The following SOWAHB variants were observed in gnomAD, a reference collection of about 807,000 sequenced individuals.
SOWAHB encodes sosondowah ankyrin repeat domain family member B, also known as ankyrin repeat domain-containing protein SOWAHB.
SOWAHB carries 17 observed loss-of-function variants against 18.3 expected under a neutral mutation model. The ratio of observed to expected loss-of-function variants is 0.93; its 90% confidence interval spans 0.64 to 1.40. The LOEUF is 1.40. Among genes scored for constraint, SOWAHB ranks in the 40% most tolerant of loss-of-function variants. The probability of loss-of-function intolerance (pLI) is 0.00; values close to 1 mark genes in which losing one functional copy is unlikely to be tolerated. For missense variants in SOWAHB, 1,126 were observed against 1,033.7 expected, an observed-to-expected ratio of 1.09 and a Z score of -1.22; for synonymous variants, 496 against 448.1, an observed-to-expected ratio of 1.11 and a Z score of -1.35.
Position 76,895,649 on chromosome 4 carries a change from A to T in SOWAHB, c.2201T>A (p.Val734Asp), listed in dbSNP as rs192348835. 3.5e-5 allele frequency: 56 copies of T among 1,614,204 alleles called. 1 individual carries two copies. The African/African-American group carries it at 5.7e-4, about 17-fold the overall frequency. ...GAPRGKPIFP[V>D]YPLVGSSSPT... ...GGAAGAACTTCCAACTAAGGGATAG[A>T]CAGGGAAAATGGGCTTGCCCCGAGG... The change falls in exon 1 of 1, where the codon GTC becomes GAC. Residue 734 changes from valine (V) to aspartate (D), a missense_variant. Coordinates refer to ENST00000334306, the MANE Select transcript of SOWAHB (RefSeq NM_001029870.3).
In SOWAHB at chr4:76,897,949, G is replaced by T; in HGVS notation, c.-100C>A. ...GGCCGGGCGAGTGTCACCTGCGCCCGGGGCGGCACTAGCCGCCCCCATCAG... is the reference window on the plus strand; with the variant it reads ...GGCCGGGCGAGTGTCACCTGCGCCCTGGGCGGCACTAGCCGCCCCCATCAG... On this transcript the variant is annotated 5_prime_UTR_variant, in exon 1 of 1. Coordinates refer to ENST00000334306, the MANE Select transcript of SOWAHB (RefSeq NM_001029870.3). The surrounding 1 kb of genome is among the most constrained non-coding windows in gnomAD (Gnocchi z 6.4). The T allele has an allele frequency of 7.8e-7, 1 of 1,288,590 alleles. No individual in the cohort carries two copies. Among genetic ancestry groups the T allele is most frequent in the Non-Finnish European group, 1.0e-6 (1 of 958,674 alleles). The allele number at this position is 1,288,590 out of a possible 1,614,324, so 79.8% of individuals were successfully genotyped here.
chr4:76,897,412 A>G lies in SOWAHB; in HGVS notation c.438T>C (p.Asn146=). 6.6e-7 allele frequency: 1 copy of G among 1,519,876 alleles called. No homozygotes were observed. The highest frequency in any genetic ancestry group is 8.8e-7 in the Non-Finnish European group (1 of 1,140,938). 94.1% of individuals were successfully genotyped at this position (1,519,876 alleles called of 1,614,324 possible). ...AAARAADAAC[N]GLPGSDSRRA... is the part of the protein sequence containing the mutation. ...TACGGGAGTCGCTGCCCGGGAGTCCATTGCAAGCTGCGTCGGCGGCTCTGG... is the reference window on the plus strand; with the variant it reads ...TACGGGAGTCGCTGCCCGGGAGTCCGTTGCAAGCTGCGTCGGCGGCTCTGG... The change falls in exon 1 of 1, where the codon AAT becomes AAC. Residue 146 remains asparagine, a synonymous_variant. Coordinates refer to ENST00000334306, the MANE Select transcript of SOWAHB (RefSeq NM_001029870.3). The surrounding 1 kb of genome is among the most constrained non-coding windows in gnomAD (Gnocchi z 6.4).
chr4:76,896,146 C>T lies in SOWAHB; in HGVS notation c.1704G>A (p.Trp568Ter). 6.4e-7 allele frequency: 1 copy of T among 1,561,766 alleles called. No homozygotes were observed. Among genetic ancestry groups the T allele is most frequent in the Non-Finnish European group, 8.7e-7 (1 of 1,154,878 alleles). The part of the protein sequence containing the change: ...VAERGWRHSL[W>*]VPSGEGSAAL... ...CTGCAGACCCCTCCCCACTGGGGAC[C>T]CACAGGCTGTGTCGCCAACCCCGCT... The change falls in exon 1 of 1, where the codon TGG (tryptophan) becomes TGA (stop). Residue 568 changes from tryptophan (W) to a stop codon, truncating the protein, a stop_gained. Transcript: ENST00000334306. LOFTEE classifies it high-confidence loss of function.
chr4:76,897,895 C>A lies in SOWAHB; in HGVS notation c.-46G>T, dbSNP rs189050294. 2.0e-6 allele frequency: 3 copies of A among 1,532,234 alleles called. No individual in the cohort carries two copies. The highest frequency in any genetic ancestry group is 4.8e-5 in the East Asian group (2 of 41,318). 94.9% of individuals were successfully genotyped at this position (1,532,234 alleles called of 1,614,324 possible). ...CAGAGGTGTCTGAGTCTCGCCCTCC[C>A]GGGGCTCTCCCCAGCCAGAGGAAAC... On this transcript the variant is annotated 5_prime_UTR_variant, in exon 1 of 1. Transcript: ENST00000334306. This position sits in a 1 kb window ranked among gnomAD's most constrained non-coding sequence, Gnocchi z 6.4.
Position 76,895,662 on chromosome 4 carries a change from G to A in SOWAHB, c.2188C>T (p.Pro730Ser), listed in dbSNP as rs762275405. 6.2e-6 allele frequency: 10 copies of A among 1,614,200 alleles called. No homozygotes were observed. Among genetic ancestry groups the A allele is most frequent in the Non-Finnish European group, 7.6e-6 (9 of 1,180,032 alleles). Reference protein sequence around the residue: ...WQLLGAPRGKPIFPVYPLVGS... With the variant: ...WQLLGAPRGKSIFPVYPLVGS... ...ACTAAGGGATAGACAGGGAAAATGG[G>A]CTTGCCCCGAGGAGCTCCCAACAGC... Residue 730 changes from proline to serine, a missense_variant, in exon 1 of 1, where the codon CCC (proline) becomes TCC (serine). Transcript: ENST00000334306.
Position 76,895,775 on chromosome 4 carries a change from C to A in SOWAHB, c.2075G>T (p.Arg692Met), listed in dbSNP as rs760720198. 4.3e-6 allele frequency: 7 copies of A among 1,614,148 alleles called. No homozygotes were observed. Among genetic ancestry groups the A allele is most frequent in the Non-Finnish European group, 5.9e-6 (7 of 1,180,060 alleles). Residue 692 changes from arginine (R) to methionine (M), a missense_variant, in exon 1 of 1, where the codon AGG becomes ATG. Transcript: ENST00000334306. ...CCTGACATTTACCCGAGAAGCCAAC[C>A]TTTGCACTAGCAATTTGATGACCCC... is the stretch of plus-strand genomic sequence containing the variant. ...HQGVIKLLVQ[R>M]LASRVNVRDS...
chr4:76,896,761 A>G lies in SOWAHB; in HGVS notation c.1089T>C (p.Pro363=). The part of the protein sequence containing the change: ...DPCLSSHSLF[P]VVPDESWESW... The stretch of plus-strand genomic sequence containing the variant: ...ATTCCCAGGACTCATCCGGAACAAC[A>G]GGAAAGAGAGAGTGCGAGGAAAGAC... The change falls in exon 1 of 1, where the codon CCT becomes CCC. Residue 363 remains proline, a synonymous_variant. Coordinates refer to ENST00000334306, the MANE Select transcript of SOWAHB (RefSeq NM_001029870.3). 1 of 1,613,922 alleles carries G rather than the reference A, an allele frequency of 6.2e-7. No homozygotes were observed. The highest frequency in any genetic ancestry group is 1.3e-5 in the African/African-American group (1 of 75,074).
chr4:76,897,265 G>A lies in SOWAHB; in HGVS notation c.585C>T (p.Arg195=), dbSNP rs781615887. The change falls in exon 1 of 1, where the codon CGC becomes CGT. Residue 195 remains arginine (R), a synonymous_variant. Coordinates refer to ENST00000334306, the MANE Select transcript of SOWAHB (RefSeq NM_001029870.3). This position sits in a 1 kb window ranked among gnomAD's most constrained non-coding sequence, Gnocchi z 6.4. Reference sequence around the variant, plus strand: ...TGTTCTGGAGGCATTCCCAGCAGCAGCGGCCCTGCGTCTTCGCCGCCGCGC... The same window carrying A: ...TGTTCTGGAGGCATTCCCAGCAGCAACGGCCCTGCGTCTTCGCCGCCGCGC... ...ASCAAAKTQG[R]CCWECLQNNL... 1 of 1,560,448 alleles carries A rather than the reference G, an allele frequency of 6.4e-7. No individual in the cohort carries two copies. Among genetic ancestry groups the A allele is most frequent in the African/African-American group, 1.3e-5 (1 of 74,128 alleles).
Position 76,895,396 on chromosome 4 carries a change from C to T in SOWAHB, c.*72G>A. On this transcript the variant is annotated 3_prime_UTR_variant, in exon 1 of 1. Coordinates refer to ENST00000334306, the MANE Select transcript of SOWAHB (RefSeq NM_001029870.3). ...TCTTTACCAACTCTCAGCAGCTTTTCTATTCCCCCTGAATTCTCTCACTGA... is the reference window on the plus strand; with the variant it reads ...TCTTTACCAACTCTCAGCAGCTTTTTTATTCCCCCTGAATTCTCTCACTGA... 1 of 1,430,344 alleles carries T rather than the reference C, an allele frequency of 7.0e-7. No individual in the cohort carries two copies. The highest frequency in any genetic ancestry group is 9.5e-7 in the Non-Finnish European group (1 of 1,054,680). The allele number at this position is 1,430,344 out of a possible 1,614,324, so 88.6% of individuals were successfully genotyped here.
chr4:76,895,495 T>G lies in SOWAHB; in HGVS notation c.2355A>C (p.Pro785=), dbSNP rs780308085. ...LANQYEKFHS[P]REREEYSD is the part of the protein sequence containing the mutation. ...AGTCACTATACTCTTCTCTTTCCCTTGGACTGTGGAATTTCTCATACTGGT... is the reference window on the plus strand; with the variant it reads ...AGTCACTATACTCTTCTCTTTCCCTGGGACTGTGGAATTTCTCATACTGGT... The change falls in exon 1 of 1, where the codon CCA becomes CCC. Residue 785 remains proline (P), a synonymous_variant. Coordinates refer to ENST00000334306, the MANE Select transcript of SOWAHB (RefSeq NM_001029870.3). 3.1e-6 allele frequency: 5 copies of G among 1,611,240 alleles called. 1 individual carries two copies. The South Asian group carries it at 5.5e-5, about 18-fold the overall frequency.
In SOWAHB at chr4:76,897,293, C is replaced by T. The variant is rs779385132; in HGVS notation, c.557G>A (p.Ser186Asn). The change falls in exon 1 of 1, where the codon AGC becomes AAC. Residue 186 changes from serine to asparagine, a missense_variant. Physicochemically the swap from Ser to Asn is conservative, Grantham distance 46. Transcript: ENST00000334306. This position sits in a 1 kb window ranked among gnomAD's most constrained non-coding sequence, Gnocchi z 6.4. ...AAAAGAQARA[S>N]CAAAKTQGRC... ...GCCCTGCGTCTTCGCCGCCGCGCAG[C>T]TCGCTCTCGCCTGGGCCCCTGCCGC... 3.2e-5 allele frequency: 49 copies of T among 1,542,618 alleles called. No homozygotes were observed. The highest frequency in any genetic ancestry group is 3.8e-5 in the Non-Finnish European group (44 of 1,150,816).
In SOWAHB at chr4:76,896,278, C is replaced by T. The variant is rs1560661605; in HGVS notation, c.1572G>A (p.Arg524=). 1.2e-6 allele frequency: 2 copies of T among 1,607,878 alleles called. No individual in the cohort carries two copies. Among genetic ancestry groups the T allele is most frequent in the Non-Finnish European group, 1.7e-6 (2 of 1,175,798 alleles). Residue 524 remains arginine, a synonymous_variant, in exon 1 of 1, where the codon CGG becomes CGA. Transcript: ENST00000334306. ...YLDEGLLKRS[R]RPPRSRKPSK... is the part of the protein sequence containing the mutation. ...AGGGCTTCCTGGATCGAGGTGGGCGCCGACTTCTTTTCAGCAAGCCCTCAT... is the reference window on the plus strand; with the variant it reads ...AGGGCTTCCTGGATCGAGGTGGGCGTCGACTTCTTTTCAGCAAGCCCTCAT...
chr4:76,895,524 C>T lies in SOWAHB; in HGVS notation c.2326G>A (p.Ala776Thr), dbSNP rs138071997. 2.5e-6 allele frequency: 4 copies of T among 1,613,768 alleles called. No homozygotes were observed. The highest frequency in any genetic ancestry group is 3.4e-6 in the Non-Finnish European group (4 of 1,179,904). Reference sequence around the variant, plus strand: ...CTGTGGAATTTCTCATACTGGTTGGCCAGTTTCCACTTGTTGTGCTGACTT... The same window carrying T: ...CTGTGGAATTTCTCATACTGGTTGGTCAGTTTCCACTTGTTGTGCTGACTT... ...LKSQHNKWKLANQYEKFHSPR... is the reference protein window; with the variant it reads ...LKSQHNKWKLTNQYEKFHSPR... The change falls in exon 1 of 1, where the codon GCC becomes ACC. Residue 776 changes from alanine to threonine, a missense_variant. By Grantham distance (58) the Ala-to-Thr change is moderately conservative. Coordinates refer to ENST00000334306, the MANE Select transcript of SOWAHB (RefSeq NM_001029870.3).
rs748123155 is a variant in SOWAHB, at chr4:76,897,725, C to T, written c.125G>A (p.Ser42Asn). Reference protein sequence around the residue: ...SFLRDPDASPSQHQHRRELFK... With the variant: ...SFLRDPDASPNQHQHRRELFK... ...GAGCTCGCGGCGGTGCTGGTGCTGG[C>T]TGGGGGACGCGTCGGGGTCTCGGAG... The change falls in exon 1 of 1, where the codon AGC (serine) becomes AAC (asparagine). Residue 42 changes from serine to asparagine, a missense_variant. Transcript: ENST00000334306. This position sits in a 1 kb window ranked among gnomAD's most constrained non-coding sequence, Gnocchi z 6.4. 49 of 1,610,242 alleles carry T rather than the reference C, an allele frequency of 3.0e-5. No homozygotes were observed. Among genetic ancestry groups the T allele is most frequent in the Admixed American group, 8.3e-5 (5 of 59,988 alleles).
rs1406683012 is a variant in SOWAHB, at chr4:76,897,109, A to T, written c.741T>A (p.Ala247=). 1 of 1,538,034 alleles carries T rather than the reference A, an allele frequency of 6.5e-7. No individual in the cohort carries two copies. Among genetic ancestry groups the T allele is most frequent in the Admixed American group, 2.0e-5 (1 of 51,100 alleles). Residue 247 remains alanine, a synonymous_variant, in exon 1 of 1, where the codon GCT becomes GCA. Coordinates refer to ENST00000334306, the MANE Select transcript of SOWAHB (RefSeq NM_001029870.3). The surrounding 1 kb of genome is among the most constrained non-coding windows in gnomAD (Gnocchi z 6.4). ...CCACTGCAGGCACAGGCGCCGGCTC[A>T]GCTAGCGCGCCTTCTTCCCGCTCCC... is the stretch of plus-strand genomic sequence containing the variant. ...ASREREEGAL[A]EPAPVPAVAH...
rs1719976294 is a variant in SOWAHB at position 76,897,929 on chromosome 4, G to T, written c.-80C>A. On this transcript the variant is annotated 5_prime_UTR_variant, in exon 1 of 1. Transcript: ENST00000334306. This position sits in a 1 kb window ranked among gnomAD's most constrained non-coding sequence, Gnocchi z 6.4. ...CCCCAGCCAGAGGAAACCCTGGCCG[G>T]GCGAGTGTCACCTGCGCCCGGGGCG... is the stretch of plus-strand genomic sequence containing the variant. The T allele has an allele frequency of 2.1e-6, 3 of 1,433,568 alleles. No homozygotes were observed. Among genetic ancestry groups the T allele is most frequent in the Non-Finnish European group, 2.8e-6 (3 of 1,074,748 alleles). 88.8% of individuals were successfully genotyped at this position (1,433,568 alleles called of 1,614,324 possible).
chr4:76,896,886 G>C lies in SOWAHB; in HGVS notation c.964C>G (p.Gln322Glu), dbSNP rs1433046070. 2 of 1,612,950 alleles carry C rather than the reference G, an allele frequency of 1.2e-6. No individual in the cohort carries two copies. The highest frequency in any genetic ancestry group is 2.2e-5 in the South Asian group (2 of 91,086). ...RHPQVPEARD[Q>E]GPIRAWSVLP... ...ACCGACCAGGCGCGGATAGGGCCCT[G>C]ATCACGGGCCTCGGGCACCTGCGGG... Residue 322 changes from glutamine to glutamate, a missense_variant, in exon 1 of 1, where the codon CAG becomes GAG. Physicochemically the swap from Gln to Glu is conservative, Grantham distance 29 (BLOSUM62 2). Transcript: ENST00000334306.
In SOWAHB at chr4:76,897,379, G is replaced by A. The variant is rs1473715387; in HGVS notation, c.471C>T (p.Pro157=). The A allele has an allele frequency of 2.6e-6, 4 of 1,529,128 alleles. No homozygotes were observed. Among genetic ancestry groups the A allele is most frequent in the Non-Finnish European group, 2.6e-6 (3 of 1,144,642 alleles). The allele number at this position is 1,529,128 out of a possible 1,614,324, so 94.7% of individuals were successfully genotyped here. A position where few individuals can be genotyped will look rare whatever the true frequency, so the allele number is the denominator to read the frequency against. Reference sequence around the variant, plus strand: ...TGCCCTTCGATCCGCCGCCCTTCCCGGGCGCCCTACGGGAGTCGCTGCCCG... The same window carrying A: ...TGCCCTTCGATCCGCCGCCCTTCCCAGGCGCCCTACGGGAGTCGCTGCCCG... ...GLPGSDSRRA[P]GKGGGSKGSP... is the part of the protein sequence containing the mutation. Residue 157 remains proline, a synonymous_variant, in exon 1 of 1, where the codon CCC becomes CCT. Coordinates refer to ENST00000334306, the MANE Select transcript of SOWAHB (RefSeq NM_001029870.3). This position sits in a 1 kb window ranked among gnomAD's most constrained non-coding sequence, Gnocchi z 6.4.
At position 76,896,772 on chromosome 4, in the gene SOWAHB, A is replaced by C. The variant is rs1339335981; in HGVS notation, c.1078T>G (p.Ser360Ala). The C allele has an allele frequency of 6.2e-7, 1 of 1,613,776 alleles. No homozygotes were observed. Among genetic ancestry groups the C allele is most frequent in the South Asian group, 1.1e-5 (1 of 91,094 alleles). Reference protein sequence around the residue: ...EPPDPCLSSHSLFPVVPDESW... With the variant: ...EPPDPCLSSHALFPVVPDESW... ...TCATCCGGAACAACAGGAAAGAGAG[A>C]GTGCGAGGAAAGACAGGGGTCTGGC... Residue 360 changes from serine (S) to alanine (A), a missense_variant, in exon 1 of 1, where the codon TCT (serine) becomes GCT (alanine). Transcript: ENST00000334306.
Sources: allele counts gnomAD v4.1 joint callset, GRCh38; gene constraint gnomAD v4.1.1; non-coding constraint Gnocchi (gnomAD v3.1); transcripts MANE v1.5; gene names NCBI Gene and HGNC (gene_info 2026-07-23, HGNC 2026-07-21).